ARL17A: variants seen among roughly 807,000 people sequenced by gnomAD.
ARL17A encodes the protein ADP-ribosylation factor-like 17-like.
At chr17:46,542,975 C>T (rs1334018680) in intron 3 of ARL17A, among the ~76,000 whole-genome samples, 2 of 149,910 alleles carry the variant, frequency 1.3e-5, no homozygotes, top group Non-Finnish European at 2.9e-5. Flanking sequence ...ACTGCTCTAG[C>T]CTCACTTTCC....
the ARL17A span, among the ~76,000 whole-genome samples, chr17:46,502,832 C>A: frequency 2.6e-5 from 4 of 151,004 alleles, 1 homozygote; most frequent in African/African-American, 9.9e-5. Flanking sequence ...GGCTCAGAGC[C>A]CTTCTGAAGT....
chr17:46,535,032 C>T (rs2054450259), intron 4 of ARL17A, among the ~76,000 whole-genome samples: 1 of 149,734 alleles, frequency 6.7e-6, no homozygotes, highest in East Asian at 2.0e-4. Flanking sequence ...AGAGGCGCTC[C>T]TCACATCCCA....
chr17:46,535,243 C>T (rs1169597299), intron 4 of ARL17A, among the ~76,000 whole-genome samples: 1 of 148,034 alleles, frequency 6.8e-6, no homozygotes, highest in Non-Finnish European at 1.5e-5. Context: ...ATTGAGGATC[C>T]CTTGTATGTG....
At chr17:46,575,708 G>A (rs1374843475) in intron 2 of ARL17A, among the ~76,000 whole-genome samples, 4 of 58,080 alleles carry the variant, frequency 6.9e-5, no homozygotes, top group Admixed American at 1.8e-4. Flanking sequence ...GGCCAGGCGC[G>A]GAGGCTCATG....
At chr17:46,501,496 T>C in the ARL17A span, among the ~76,000 whole-genome samples, 1 of 151,304 alleles carries the variant, frequency 6.6e-6, no homozygotes, top group Non-Finnish European at 1.5e-5. Flanking sequence ...TTTATGTGAA[T>C]TTAAAATGTG....
downstream of ARL17A, among the ~76,000 whole-genome samples, chr17:46,551,189 AGCTT>A (rs923357293): frequency 6.7e-6 from 1 of 149,162 alleles, no homozygotes; most frequent in African/African-American, 2.6e-5. Flanking sequence ...AGAGATGCTC[AGCTT>A]GCATCAACTT....
At chr17:46,543,535 G>C (rs1228644344) in intron 3 of ARL17A, among the ~76,000 whole-genome samples, 2 of 150,932 alleles carry the variant, frequency 1.3e-5, no homozygotes, top group Non-Finnish European at 2.9e-5. Context: ...AAGTTCCATT[G>C]AGTGATGATA....
intron 4 of ARL17A, among the ~76,000 whole-genome samples, chr17:46,532,075 C>T (rs2053729527): frequency 6.6e-6 from 1 of 150,450 alleles, no homozygotes; most frequent in African/African-American, 2.5e-5. Context: ...CAGAGTGAGA[C>T]TCCAATGGAG....
intron 4 of ARL17A, among the ~76,000 whole-genome samples, chr17:46,529,273 G>A (rs2053291052): frequency 9.5e-6 from 1 of 105,692 alleles, no homozygotes. Flanking sequence ...TACAGCAAAA[G>A]GCTTGTATAA....
chr17:46,500,508 C>T, the ARL17A span, among the ~76,000 whole-genome samples: 3 of 149,766 alleles, frequency 2.0e-5, no homozygotes, highest in African/African-American at 7.5e-5. Flanking sequence ...GTGGCACCTC[C>T]ACTTCAGTTT....
At chr17:46,569,031 C>T (rs2057620396) in intron 3 of ARL17A, among the ~76,000 whole-genome samples, 3 of 133,652 alleles carry the variant, frequency 2.2e-5, no homozygotes, top group African/African-American at 8.9e-5. Context: ...CAACCTCCGC[C>T]TCCTGGGTTC....
Position 46,553,994 on chromosome 17 carries a change from A to G in ARL17A, c.*3362T>C, listed in dbSNP as rs2057097879. ...TCCTTCAAGGCTGATGGAAGGTAGG[A>G]TATGTGAGTCCTTCCTCTTAAGTGG... On this transcript the variant is annotated 3_prime_UTR_variant, in exon 4 of 4. Transcript: ENST00000336125. 1 of 1,001,622 alleles carries G rather than the reference A, an allele frequency of 1.0e-6. No homozygotes were observed. Among genetic ancestry groups the G allele is most frequent in the Admixed American group, 5.5e-5 (1 of 18,288 alleles). The allele number at this position is 1,001,622 out of a possible 1,614,324, so 62.0% of individuals were successfully genotyped here. A position where few individuals can be genotyped will look rare whatever the true frequency, so the allele number is the denominator to read the frequency against.
chr17:46,502,633 C>G, the ARL17A span, among the ~76,000 whole-genome samples: 1 of 151,334 alleles, frequency 6.6e-6, no homozygotes, highest in Non-Finnish European at 1.5e-5. Context: ...AGCACATACA[C>G]CTAGTTGCTG....
At chr17:46,533,987 A>G (rs2054144066) in intron 4 of ARL17A, among the ~76,000 whole-genome samples, 1 of 122,640 alleles carries the variant, frequency 8.2e-6, no homozygotes. Context: ...ATGCCATTTC[A>G]TTGCCTTTTG....
At chr17:46,535,034 C>G (rs1382244021) in intron 4 of ARL17A, among the ~76,000 whole-genome samples, 2 of 149,718 alleles carry the variant, frequency 1.3e-5, no homozygotes, top group Non-Finnish European at 2.9e-5. Flanking sequence ...AGGCGCTCCT[C>G]ACATCCCAGA....
intron 3 of ARL17A, among the ~76,000 whole-genome samples, chr17:46,541,198 A>T (rs1469294207): frequency 2.0e-5 from 3 of 147,734 alleles, no homozygotes. Context: ...ATGTCTTATA[A>T]ATGAAATCAT....
chr17:46,575,074 G>T, intron 2 of ARL17A, among the ~76,000 whole-genome samples: 1 of 83,048 alleles, frequency 1.2e-5, no homozygotes, highest in East Asian at 2.3e-4. Flanking sequence ...TCAGCCTGGG[G>T]TGACAGAGCG....
chr17:46,534,725 G>A (rs1292307171), intron 4 of ARL17A, among the ~76,000 whole-genome samples: 1 of 150,036 alleles, frequency 6.7e-6, no homozygotes, highest in Non-Finnish European at 1.5e-5. Flanking sequence ...CCTCCCAGAC[G>A]GGGTGGCGGC....
rs1181187850 is a variant in ARL17A at position 46,562,239 on chromosome 17, A to AC, written c.260-4610_260-4609insG. On this transcript the variant is annotated intron_variant, in intron 3 of 3. Coordinates refer to ENST00000336125, the MANE Select transcript of ARL17A (RefSeq NM_001113738.2). ...AGAGCAAGACGCTGAGTCTTTAACAAAAAAAAAAAAAATTTTAAAGTCAGC... is the reference window on the plus strand; with the variant it reads ...AGAGCAAGACGCTGAGTCTTTAACAACAAAAAAAAAAAATTTTAAAGTCAGC... Among the ~76,000 whole-genome samples the AC allele has an allele frequency of 9.3e-5, 3 of 32,130 alleles. 1 individual carries two copies. The East Asian group carries it at 1.1e-3, about 12-fold the overall frequency. 21.1% of individuals were successfully genotyped at this position (32,130 alleles called of 152,430 possible).
Sources: allele counts gnomAD v4.1 joint callset (sites outside exome capture counted in the v4.1 genomes callset), GRCh38; gene constraint gnomAD v4.1.1; transcripts MANE v1.5; gene names NCBI Gene and HGNC (gene_info 2026-07-23, HGNC 2026-07-21).